SEC63: variants seen among roughly 807,000 people sequenced by gnomAD.
SEC63 encodes SEC63 protein translocation regulator.
Under a neutral mutation model 116.2 loss-of-function variants are expected in SEC63, and 56 were observed. The observed-to-expected ratio is 0.48, with a 90% CI of 0.39 to 0.60. SEC63 has a LOEUF of 0.60. Among genes scored for constraint, SEC63 ranks in the 20% least tolerant of loss-of-function variants. SEC63 has a pLI of 0.00. For missense variants in SEC63, 668 were observed against 900.0 expected (o/e 0.74, Z 3.30); for synonymous variants, 273 against 294.6 (o/e 0.93, Z 0.75).
chr6:107,878,707 C>T (rs1699226520), intron 18 of SEC63, among the ~76,000 whole-genome samples: 1 of 152,074 alleles, frequency 6.6e-6, no homozygotes, highest in South Asian at 2.1e-4. Context: ...AATACAACAT[C>T]AGCTGGGTGT....
At chr6:107,951,312 A>C (rs1222722050) in intron 1 of SEC63, among the ~76,000 whole-genome samples, 4 of 152,228 alleles carry the variant, frequency 2.6e-5, no homozygotes, top group Non-Finnish European at 5.9e-5. Context: ...CCATTAATAG[A>C]CAACTATGAT....
chr6:107,912,267 T>C (rs1178707217), intron 6 of SEC63, among the ~76,000 whole-genome samples: 1 of 152,208 alleles, frequency 6.6e-6, no homozygotes, highest in East Asian at 1.9e-4. Flanking sequence ...ATATGGAATA[T>C]ATACAATTCA....
At position 107,869,320 on chromosome 6, in the gene SEC63, T is replaced by A. The variant is rs1433750663; in HGVS notation, c.*2384A>T. The A allele has an allele frequency of 1.3e-5, 2 of 152,200 alleles. No individual in the cohort carries two copies. The highest frequency in any genetic ancestry group is 2.9e-5 in the Non-Finnish European group (2 of 68,048). 9.4% of individuals were successfully genotyped at this position (152,200 alleles called of 1,614,324 possible). A position where few individuals can be genotyped will look rare whatever the true frequency, so the allele number is the denominator to read the frequency against. ...ATATTATAATGCTAAAATACACAAC[T>A]GCTACACTTTGAATTGTGGTAAGTC... On this transcript the variant is annotated 3_prime_UTR_variant, in exon 21 of 21. Coordinates refer to ENST00000369002, the MANE Select transcript of SEC63 (RefSeq NM_007214.5).
chr6:107,911,616 C>T (rs1387427527), intron 6 of SEC63, among the ~76,000 whole-genome samples: 2 of 152,172 alleles, frequency 1.3e-5, no homozygotes, highest in East Asian at 1.9e-4. Flanking sequence ...CATAACTTGT[C>T]CTAGGACACA....
chr6:107,895,224 C>T (rs1045615229), intron 14 of SEC63, among the ~76,000 whole-genome samples: 2 of 152,138 alleles, frequency 1.3e-5, no homozygotes, highest in Non-Finnish European at 2.9e-5. Flanking sequence ...CAAATTTTTG[C>T]TCATTTTTCA....
intron 1 of SEC63, among the ~76,000 whole-genome samples, chr6:107,944,326 TAGAA>T (rs1407202338): frequency 1.3e-5 from 2 of 152,196 alleles, no homozygotes; most frequent in Non-Finnish European, 2.9e-5. Context: ...TGCATATTCA[TAGAA>T]AGATCTCTAT....
intron 8 of SEC63, 70 bp from the exon 9 acceptor site, chr6:107,906,847 T>A: frequency 8.5e-7 from 1 of 1,173,070 alleles, no homozygotes; most frequent in Non-Finnish European, 1.3e-6. Context: ...CTGAGATACT[T>A]AATTCACTTG....
intron 18 of SEC63, among the ~76,000 whole-genome samples, chr6:107,878,855 CA>C (rs551139934): frequency 7.3e-4 from 92 of 126,650 alleles, no homozygotes; most frequent in Admixed American, 7.2e-4. Flanking sequence ...AATTCCAGCT[CA>C]AAAAAAAAAA....
At position 107,893,482 on chromosome 6, in the gene SEC63, A is replaced by G. The variant is rs143570743; in HGVS notation, c.1674T>C (p.Asn558=). The G allele has an allele frequency of 3.2e-4, 522 of 1,611,924 alleles. 2 individuals carry two copies. Among genetic ancestry groups the G allele is most frequent in the Middle Eastern group, 2.7e-3 (14 of 5,140 alleles). ...KQKQANGVVG[N]EAAVKEDEEE... is the part of the protein sequence containing the mutation. ...ATAATAACGATAATAATAAACTTAC[A>G]TTCCCAACGACTCCATTTGCCTGCT... The change falls in exon 16 of 21, where the codon AAT becomes AAC. Residue 558 remains asparagine, a splice_region_variant and synonymous_variant. Coordinates refer to ENST00000369002, the MANE Select transcript of SEC63 (RefSeq NM_007214.5).
chr6:107,884,593 G>T (rs1786486248), intron 16 of SEC63, among the ~76,000 whole-genome samples: 1 of 152,056 alleles, frequency 6.6e-6, no homozygotes, highest in Non-Finnish European at 1.5e-5. Flanking sequence ...TCCAGGCCCA[G>T]ATGGTTTCCC....
chr6:107,869,339 G>T lies in SEC63; in HGVS notation c.*2365C>A, dbSNP rs1562309453. On this transcript the variant is annotated 3_prime_UTR_variant, in exon 21 of 21. Transcript: ENST00000369002. ...CACAACTGCTACACTTTGAATTGTGGTAAGTCTCCTCATGAACAGCTGTAT... is the reference window on the plus strand; with the variant it reads ...CACAACTGCTACACTTTGAATTGTGTTAAGTCTCCTCATGAACAGCTGTAT... The T allele has an allele frequency of 6.6e-6, 1 of 152,142 alleles. No individual in the cohort carries two copies. The highest frequency in any genetic ancestry group is 2.4e-5 in the African/African-American group (1 of 41,424). The allele number at this position is 152,142 out of a possible 1,614,324, so 9.4% of individuals were successfully genotyped here. A position where few individuals can be genotyped will look rare whatever the true frequency, so the allele number is the denominator to read the frequency against.
chr6:107,933,329 T>C (rs1787853291), intron 1 of SEC63, among the ~76,000 whole-genome samples: 1 of 152,222 alleles, frequency 6.6e-6, no homozygotes, highest in Non-Finnish European at 1.5e-5. Context: ...AAATTTGTGC[T>C]GTTTTAAACC....
At chr6:107,892,273 T>C (rs867225007) in intron 16 of SEC63, among the ~76,000 whole-genome samples, 7 of 152,064 alleles carry the variant, frequency 4.6e-5, no homozygotes, top group South Asian at 2.1e-4. Context: ...CTGGCCGCAG[T>C]AGCCTTGCTG....
At chr6:107,906,838 T>G (rs952750944) in intron 8 of SEC63, 61 bp from the exon 9 acceptor site, 18 of 1,246,172 alleles carry the variant, frequency 1.4e-5, no homozygotes, top group Non-Finnish European at 2.1e-5. Context: ...TTCCCCCTCC[T>G]GAGATACTTA....
At position 107,867,851 on chromosome 6, in the gene SEC63, A is replaced by G. The variant is rs1786031458; in HGVS notation, c.*3853T>C. ...TAAAACACACAAAAATAGAAATTTAAAAGGATGAGATTAAATACAAATAAT... is the reference window on the plus strand; with the variant it reads ...TAAAACACACAAAAATAGAAATTTAGAAGGATGAGATTAAATACAAATAAT... On this transcript the variant is annotated 3_prime_UTR_variant, in exon 21 of 21. Transcript: ENST00000369002. 1 of 152,234 alleles carries G rather than the reference A, an allele frequency of 6.6e-6. No homozygotes were observed. The highest frequency in any genetic ancestry group is 6.5e-5 in the Admixed American group (1 of 15,278). The allele number at this position is 152,234 out of a possible 1,614,324, so 9.4% of individuals were successfully genotyped here.
At chr6:107,903,722 A>G (rs1787064444) in intron 11 of SEC63, among the ~76,000 whole-genome samples, 1 of 152,244 alleles carries the variant, frequency 6.6e-6, no homozygotes, top group Non-Finnish European at 1.5e-5. Flanking sequence ...ATTACATGAC[A>G]TATGAATCAC....
intron 16 of SEC63, among the ~76,000 whole-genome samples, chr6:107,892,916 C>T (rs942587674): frequency 6.6e-6 from 1 of 152,068 alleles, no homozygotes. Flanking sequence ...GCTCTTTTAA[C>T]GAGTTAAGCA....
At chr6:107,877,272 A>G (rs1786302742) in intron 18 of SEC63, 1 of 152,240 alleles carries the variant, frequency 6.6e-6, no homozygotes, top group African/African-American at 2.4e-5. Context: ...GTATCTTTCT[A>G]AAACAGTTTA....
intron 18 of SEC63, among the ~76,000 whole-genome samples, chr6:107,878,890 G>A (rs918591843): frequency 1.3e-5 from 2 of 152,080 alleles, no homozygotes; most frequent in Non-Finnish European, 2.9e-5. Flanking sequence ...AGAAGCCAGT[G>A]AATATCAATC....
Sources: gnomAD v4.1 joint callset for allele counts (sites outside exome capture counted in the v4.1 genomes callset) on GRCh38, gnomAD v4.1.1 for gene constraint, MANE v1.5 for transcripts, NCBI Gene and HGNC (gene_info 2026-07-23, HGNC 2026-07-21) for gene names.